CDC14B: variants seen among roughly 807,000 people sequenced by gnomAD.
CDC14B encodes cell division cycle 14B.
Under a neutral mutation model 64.2 loss-of-function variants are expected in CDC14B, and 22 were observed. That is an observed-to-expected ratio of 0.34 (90% CI 0.24 to 0.49). CDC14B has a LOEUF of 0.49. Among genes scored for constraint, CDC14B ranks in the 20% least tolerant of loss-of-function variants. CDC14B has a pLI of 0.99. For missense variants in CDC14B, 498 were observed against 629.9 expected (o/e 0.79, Z 2.24); for synonymous variants, 191 against 215.8 (o/e 0.89, Z 1.01).
At chr9:96,523,146 T>C in intron 11 of CDC14B, 115 bp downstream of exon 11, 1 of 1,138,588 alleles carries the variant, frequency 8.8e-7, no homozygotes. Flanking sequence ...TATAAAAAAC[T>C]GACAATCATC....
At chr9:96,616,928 T>C (rs766000727) in intron 1 of CDC14B, among the ~76,000 whole-genome samples, 4 of 152,138 alleles carry the variant, frequency 2.6e-5, no homozygotes, top group Non-Finnish European at 4.4e-5. Flanking sequence ...GATACTTTAA[T>C]TGGCCTTGTA....
intron 7 of CDC14B, among the ~76,000 whole-genome samples, chr9:96,535,121 A>G (rs1310185356): frequency 6.6e-6 from 1 of 152,210 alleles, no homozygotes. Flanking sequence ...AGCCTGACCA[A>G]CATGGAGAAA....
chr9:96,505,694 C>T (rs1345441124), intron 13 of CDC14B, among the ~76,000 whole-genome samples: 1 of 152,174 alleles, frequency 6.6e-6, no homozygotes, highest in Non-Finnish European at 1.5e-5. Context: ...TAGAGAAGCC[C>T]ACTCACCTCC....
intron 12 of CDC14B, among the ~76,000 whole-genome samples, chr9:96,516,940 C>T (rs957360296): frequency 3.3e-5 from 5 of 151,918 alleles, no homozygotes; most frequent in African/African-American, 1.2e-4. Flanking sequence ...AGGCATGTGC[C>T]ACCATGCCCA....
chr9:96,516,800 AT>A (rs1328172313), intron 12 of CDC14B, among the ~76,000 whole-genome samples: 1 of 150,880 alleles, frequency 6.6e-6, no homozygotes, highest in Non-Finnish European at 1.5e-5. Flanking sequence ...TATTTATTTA[AT>A]TTTTTTTGAG....
intron 1 of CDC14B, among the ~76,000 whole-genome samples, chr9:96,608,834 T>C (rs1367431191): frequency 6.6e-6 from 1 of 152,054 alleles, no homozygotes; most frequent in Admixed American, 6.6e-5. Flanking sequence ...TATACTTATA[T>C]ATGATCAGTT....
intron 5 of CDC14B, among the ~76,000 whole-genome samples, chr9:96,551,308 G>A (rs543922622): frequency 1.3e-5 from 2 of 151,876 alleles, no homozygotes; most frequent in African/African-American, 2.4e-5. Context: ...TTTTTATAGA[G>A]ATGGGGTCTG....
chr9:96,511,067 C>T (rs1834845514), intron 12 of CDC14B, among the ~76,000 whole-genome samples: 1 of 152,148 alleles, frequency 6.6e-6, no homozygotes, highest in African/African-American at 2.4e-5. Flanking sequence ...CCAATAACAA[C>T]TTATGAGAAC....
rs142808250 is a variant in CDC14B, at chr9:96,548,754, T to C, written c.497+3042A>G. ...AGGCAGAGGTTGCAGTGAGCCAAGA[T>C]TGCGCCACTGAACTCCAGCCTGGGT... is the stretch of plus-strand genomic sequence containing the variant. On this transcript the variant is annotated intron_variant, in intron 5 of 13. Coordinates refer to ENST00000375241, the MANE Select transcript of CDC14B (RefSeq NM_033331.4). Among the ~76,000 whole-genome samples, 790 of 151,500 alleles carry C rather than the reference T, an allele frequency of 5.2e-3. 4 individuals are homozygous for C. The highest frequency in any genetic ancestry group is 6.6e-3 in the Non-Finnish European group (448 of 67,954).
At chr9:96,521,838 T>C (rs1418315749) in intron 12 of CDC14B, among the ~76,000 whole-genome samples, 1 of 152,216 alleles carries the variant, frequency 6.6e-6, no homozygotes, top group Non-Finnish European at 1.5e-5. Flanking sequence ...TGGGAGCATT[T>C]ACTAAAGAAC....
intron 7 of CDC14B, 135 bp from the exon 8 acceptor site, chr9:96,534,677 A>T: frequency 1.6e-6 from 1 of 626,944 alleles, no homozygotes. Flanking sequence ...GCCATGAGAC[A>T]GGAATCTCAA....
At chr9:96,587,883 C>T (rs1845550651) in intron 1 of CDC14B, among the ~76,000 whole-genome samples, 1 of 152,108 alleles carries the variant, frequency 6.6e-6, no homozygotes, top group South Asian at 2.1e-4. Context: ...GCCCCGCCCC[C>T]ACAATTTCTC....
intron 12 of CDC14B, chr9:96,514,768 C>T (rs1028268081): frequency 2.0e-6 from 2 of 985,470 alleles, no homozygotes; most frequent in Non-Finnish European, 2.4e-6. Flanking sequence ...CGGTGGACCC[C>T]GTGACACGGA....
chr9:96,533,588 T>G (rs1475281462), intron 9 of CDC14B, among the ~76,000 whole-genome samples: 1 of 152,242 alleles, frequency 6.6e-6, no homozygotes, highest in African/African-American at 2.4e-5. Context: ...TGCCAGGCAC[T>G]GTTACAATTG....
intron 9 of CDC14B, among the ~76,000 whole-genome samples, chr9:96,524,126 C>T (rs150744326): frequency 1.4e-4 from 21 of 152,282 alleles, no homozygotes; most frequent in African/African-American, 2.9e-4. Context: ...TCAGTAGAGA[C>T]GGGGCTTCAC....
At chr9:96,602,765 C>T (rs1372777276) in intron 1 of CDC14B, among the ~76,000 whole-genome samples, 1 of 152,132 alleles carries the variant, frequency 6.6e-6, no homozygotes, top group Non-Finnish European at 1.5e-5. Flanking sequence ...CAAGTCTAAC[C>T]TAACTAATGG....
intron 4 of CDC14B, among the ~76,000 whole-genome samples, chr9:96,561,071 G>C (rs1049424991): frequency 2.6e-5 from 4 of 152,158 alleles, no homozygotes; most frequent in Admixed American, 6.5e-5. Context: ...CGAGTAGCTG[G>C]GACTACAGGC....
intron 1 of CDC14B, among the ~76,000 whole-genome samples, chr9:96,578,657 A>T (rs1002903340): frequency 2.0e-5 from 3 of 152,210 alleles, no homozygotes; most frequent in African/African-American, 7.2e-5. Context: ...GATCATGAAA[A>T]ACAAGGAAAG....
intron 1 of CDC14B, among the ~76,000 whole-genome samples, chr9:96,605,233 AG>A (rs1388953567): frequency 6.6e-6 from 1 of 152,172 alleles, no homozygotes; most frequent in Non-Finnish European, 1.5e-5. Flanking sequence ...GTTAAGAACC[AG>A]CCATATCCCC....
Sources: gnomAD v4.1 joint callset for allele counts (sites outside exome capture counted in the v4.1 genomes callset) on GRCh38, gnomAD v4.1.1 for gene constraint, MANE v1.5 for transcripts, NCBI Gene and HGNC (gene_info 2026-07-23, HGNC 2026-07-21) for gene names.